The following PLCXD3 variants were observed in gnomAD, a reference collection of about 807,000 sequenced individuals.
PLCXD3 encodes the protein PI-PLC X domain-containing protein 3.
In PLCXD3, 19 loss-of-function variants were observed where a neutral mutation model predicts 25.5. The ratio of observed to expected loss-of-function variants is 0.75; its 90% CI spans 0.52 to 1.09. PLCXD3 has a LOEUF of 1.09. Ranked by LOEUF, PLCXD3 falls within the 50% of genes least tolerant of loss-of-function variation. PLCXD3 has a pLI of 0.00. For missense variants in PLCXD3, 411 were observed against 388.1 expected (o/e 1.06, Z -0.50); for synonymous variants, 174 against 137.6 (o/e 1.26, Z -1.85).
chr5:41,360,869 A>G (rs1376061491), intron 2 of PLCXD3, among the ~76,000 whole-genome samples: 1 of 152,174 alleles, frequency 6.6e-6, no homozygotes, highest in Non-Finnish European at 1.5e-5. Flanking sequence ...TCATGAGCAC[A>G]TCAGCTGTGG....
chr5:41,347,193 CCATT>C (rs770858154), intron 2 of PLCXD3, among the ~76,000 whole-genome samples: 13 of 152,238 alleles, frequency 8.5e-5, no homozygotes, highest in Non-Finnish European at 5.9e-5. Flanking sequence ...TGGATTTTAG[CCATT>C]CAAAGTCGTG....
chr5:41,506,538 G>A (rs1380379364), intron 1 of PLCXD3, among the ~76,000 whole-genome samples: 2 of 152,140 alleles, frequency 1.3e-5, no homozygotes, highest in Non-Finnish European at 2.9e-5. Context: ...TGCACAATTA[G>A]ACCCAGTCCC....
At chr5:41,450,718 C>T (rs1314888186) in intron 1 of PLCXD3, among the ~76,000 whole-genome samples, 1 of 152,082 alleles carries the variant, frequency 6.6e-6, no homozygotes, top group East Asian at 1.9e-4. Context: ...TGCAGGTCTC[C>T]TAAGTCCCCG....
chr5:41,370,588 T>C (rs756035720), intron 2 of PLCXD3, among the ~76,000 whole-genome samples: 2 of 152,264 alleles, frequency 1.3e-5, no homozygotes, highest in East Asian at 3.9e-4. Context: ...GGGGAGAGGA[T>C]TTGGCTTATA....
intron 1 of PLCXD3, among the ~76,000 whole-genome samples, chr5:41,482,494 C>T (rs1031997181): frequency 1.3e-5 from 2 of 151,988 alleles, no homozygotes; most frequent in African/African-American, 2.4e-5. Flanking sequence ...CTTAAGAGCA[C>T]GAAGTATAAT....
At chr5:41,335,093 C>T (rs1009086919) in intron 2 of PLCXD3, among the ~76,000 whole-genome samples, 16 of 152,156 alleles carry the variant, frequency 1.1e-4, no homozygotes, top group African/African-American at 2.7e-4. Context: ...GTTTCTTCCT[C>T]GGCACAAGTA....
At chr5:41,371,984 C>G (rs965529800) in intron 2 of PLCXD3, among the ~76,000 whole-genome samples, 1 of 152,146 alleles carries the variant, frequency 6.6e-6, no homozygotes, top group Non-Finnish European at 1.5e-5. Flanking sequence ...CCTTTTCCCT[C>G]AGTTGCTGAC....
chr5:41,433,241 C>T (rs1488733867), intron 1 of PLCXD3, among the ~76,000 whole-genome samples: 1 of 152,188 alleles, frequency 6.6e-6, no homozygotes, highest in Admixed American at 6.5e-5. Context: ...ACTCTCTGAG[C>T]CTCAAAGCCT....
At chr5:41,334,650 G>A (rs1743927862) in intron 2 of PLCXD3, among the ~76,000 whole-genome samples, 1 of 152,126 alleles carries the variant, frequency 6.6e-6, no homozygotes, top group African/African-American at 2.4e-5. Context: ...AGCAAAATAT[G>A]CCATCCGTTT....
intron 1 of PLCXD3, among the ~76,000 whole-genome samples, chr5:41,462,451 C>G (rs1193893469): frequency 6.6e-6 from 1 of 151,932 alleles, no homozygotes; most frequent in African/African-American, 2.4e-5. Context: ...GAAATATACA[C>G]TTGGGACTTA....
At chr5:41,415,164 T>C (rs1205252588) in intron 1 of PLCXD3, among the ~76,000 whole-genome samples, 3 of 152,234 alleles carry the variant, frequency 2.0e-5, no homozygotes, top group Non-Finnish European at 4.4e-5. Flanking sequence ...AGACATAGAT[T>C]ATTTTTAGAT....
chr5:41,315,693 C>G (rs1285278537), intron 2 of PLCXD3, among the ~76,000 whole-genome samples: 1 of 152,224 alleles, frequency 6.6e-6, no homozygotes, highest in Non-Finnish European at 1.5e-5. Context: ...CACCCTCCCT[C>G]TCAACCTCCA....
At chr5:41,459,662 C>T (rs1747831067) in intron 1 of PLCXD3, among the ~76,000 whole-genome samples, 1 of 151,770 alleles carries the variant, frequency 6.6e-6, no homozygotes, top group South Asian at 2.1e-4. Flanking sequence ...TTGTCTCTTA[C>T]TTCTTCCTAA....
At chr5:41,414,547 A>T (rs1746649415) in intron 1 of PLCXD3, among the ~76,000 whole-genome samples, 1 of 152,192 alleles carries the variant, frequency 6.6e-6, no homozygotes, top group South Asian at 2.1e-4. Flanking sequence ...GGTGATTATT[A>T]TATTTGTGTG....
chr5:41,365,006 C>T (rs1443750880), intron 2 of PLCXD3, among the ~76,000 whole-genome samples: 1 of 152,172 alleles, frequency 6.6e-6, no homozygotes, highest in Non-Finnish European at 1.5e-5. Context: ...AAAATACAGA[C>T]CTTTCACATA....
At chr5:41,388,704 T>C (rs1745716004) in intron 1 of PLCXD3, among the ~76,000 whole-genome samples, 1 of 152,058 alleles carries the variant, frequency 6.6e-6, no homozygotes, top group Non-Finnish European at 1.5e-5. Context: ...ACCTATACTT[T>C]TATTATGAGC....
At chr5:41,322,981 A>G (rs1182004541) in intron 2 of PLCXD3, among the ~76,000 whole-genome samples, 1 of 152,234 alleles carries the variant, frequency 6.6e-6, no homozygotes, top group Non-Finnish European at 1.5e-5. Flanking sequence ...TAAAAAAAAA[A>G]AAAAGAAAAG....
At chr5:41,491,757 C>A (rs1748702916) in intron 1 of PLCXD3, among the ~76,000 whole-genome samples, 1 of 151,826 alleles carries the variant, frequency 6.6e-6, no homozygotes, top group South Asian at 2.1e-4. Context: ...GGATTGCAAC[C>A]CCTGCCTTTT....
At chr5:41,313,838 A>C in intron 2 of PLCXD3, 68 bp from the exon 3 acceptor site, 10 of 1,470,358 alleles carry the variant, frequency 6.8e-6, no homozygotes, top group Non-Finnish European at 9.1e-6. Flanking sequence ...TACAATTCTC[A>C]GTCTTCCCTT....
Sources: gnomAD v4.1 joint callset for allele counts (sites outside exome capture counted in the v4.1 genomes callset) on GRCh38, gnomAD v4.1.1 for gene constraint, MANE v1.5 for transcripts, NCBI Gene and HGNC (gene_info 2026-07-23, HGNC 2026-07-21) for gene names.